OR14A2: variants seen among roughly 807,000 people sequenced by gnomAD.
OR14A2 encodes the protein olfactory receptor family 14 subfamily A member 2.
For missense variants in OR14A2, 237 were observed against 152.9 expected (o/e 1.55, Z -2.90); for synonymous variants, 114 against 58.6 (o/e 1.95, Z -4.32).
chr1:247,741,545 T>C, the OR14A2 span, among the ~76,000 whole-genome samples: 2 of 152,232 alleles, frequency 1.3e-5, no homozygotes, highest in East Asian at 3.8e-4. Flanking sequence ...CTGAAGGCAC[T>C]GGATAATGAC....
At chr1:247,748,018 GCCTTGA>G in the OR14A2 span, among the ~76,000 whole-genome samples, 1 of 152,126 alleles carries the variant, frequency 6.6e-6, no homozygotes, top group Non-Finnish European at 1.5e-5. Context: ...GATTTTGTAA[GCCTTGA>G]CCTCATAAAG....
the OR14A2 span, among the ~76,000 whole-genome samples, chr1:247,736,291 T>G: frequency 6.6e-6 from 1 of 152,038 alleles, no homozygotes; most frequent in South Asian, 2.1e-4. Flanking sequence ...CATATAAACC[T>G]GAACTTACCC....
chr1:247,738,710 C>G, the OR14A2 span: 4 of 780,846 alleles, frequency 5.1e-6, 1 homozygote, highest in South Asian at 5.4e-5. Context: ...TCTCACTGAT[C>G]TACCTCACGG....
At chr1:247,746,941 A>G in the OR14A2 span, 48 of 152,328 alleles carry the variant, frequency 3.2e-4, 1 homozygote, top group African/African-American at 1.1e-3. Context: ...CCTCCTACAC[A>G]TAATCCATGG....
the OR14A2 span, among the ~76,000 whole-genome samples, chr1:247,731,421 A>G: frequency 3.3e-5 from 5 of 152,000 alleles, no homozygotes; most frequent in Admixed American, 1.3e-4. Context: ...TTTGCTTTCA[A>G]TAGTTTTACT....
chr1:247,734,359 G>A, the OR14A2 span, among the ~76,000 whole-genome samples: 51 of 152,238 alleles, frequency 3.4e-4, no homozygotes, highest in East Asian at 8.5e-3. Flanking sequence ...CTCCAGAATC[G>A]TGAGAAACAC....
chr1:247,733,336 C>T, the OR14A2 span, among the ~76,000 whole-genome samples: 2 of 152,110 alleles, frequency 1.3e-5, no homozygotes, highest in East Asian at 1.9e-4. Flanking sequence ...GACAAAAATC[C>T]TCAGTAACCT....
rs1427868314 is a variant in OR14A2, at chr1:247,723,944, G to C, written c.100C>G (p.Leu34Val). ...AGAAGGTTACTCATTAGGGCTGCCAGGTAAATCAGTAGGAAGAGCACACCA... is the reference window on the plus strand; with the variant it reads ...AGAAGGTTACTCATTAGGGCTGCCACGTAAATCAGTAGGAAGAGCACACCA... The change falls in exon 1 of 1, where the codon CTG becomes GTG. Residue 34 changes from leucine (L) to valine (V), a missense_variant. Transcript: ENST00000366485. 7.0e-6 allele frequency: 5 copies of C among 716,952 alleles called. No individual in the cohort carries two copies. The Admixed American group carries it at 1.0e-4, about 14-fold the overall frequency. The allele number at this position is 716,952 out of a possible 1,614,324, so 44.4% of individuals were successfully genotyped here. A position where few individuals can be genotyped will look rare whatever the true frequency, so the allele number is the denominator to read the frequency against.
At chr1:247,723,017 T>C (rs1157918619), downstream of OR14A2, 1 of 618,798 alleles carries the variant, frequency 1.6e-6, no homozygotes, top group Non-Finnish European at 2.9e-6. Flanking sequence ...TGCTTTCTTT[T>C]CTCAGGTCTT....
chr1:247,738,776 C>T, the OR14A2 span: 2 of 780,866 alleles, frequency 2.6e-6, no homozygotes, highest in Non-Finnish European at 4.8e-6. Context: ...ATCGTCTCCA[C>T]ATGGCAATGT....
chr1:247,726,011 T>G (rs1660342693), upstream of OR14A2, among the ~76,000 whole-genome samples: 1 of 145,370 alleles, frequency 6.9e-6, no homozygotes, highest in Non-Finnish European at 1.5e-5. Context: ...TGTGTCTTTA[T>G]AGCAGCATGA....
chr1:247,742,322 T>A, the OR14A2 span, among the ~76,000 whole-genome samples: 1 of 138,688 alleles, frequency 7.2e-6, no homozygotes, highest in African/African-American at 2.8e-5. Context: ...TTCACCACTG[T>A]GGAATGTAAT....
the OR14A2 span, chr1:247,739,496 C>T: frequency 9.0e-6 from 7 of 780,704 alleles, no homozygotes; most frequent in Admixed American, 1.7e-5. Context: ...AGAACAAGGA[C>T]ATTAAATCCG....
chr1:247,738,942 A>G, the OR14A2 span: 1 of 780,494 alleles, frequency 1.3e-6, no homozygotes, highest in Non-Finnish European at 2.4e-6. Context: ...TGGATCAGAG[A>G]TTGGCATCCT....
chr1:247,729,306 A>G, the OR14A2 span, among the ~76,000 whole-genome samples: 2 of 152,134 alleles, frequency 1.3e-5, no homozygotes, highest in Non-Finnish European at 2.9e-5. Context: ...TGTTAAGGAC[A>G]TGACTCAGTC....
At chr1:247,733,388 AAAG>A in the OR14A2 span, among the ~76,000 whole-genome samples, 104 of 152,358 alleles carry the variant, frequency 6.8e-4, no homozygotes, top group African/African-American at 2.5e-3. Flanking sequence ...AGGCATCTGA[AAAG>A]AAACAAAAAC....
At chr1:247,747,933 C>T in the OR14A2 span, among the ~76,000 whole-genome samples, 2 of 152,034 alleles carry the variant, frequency 1.3e-5, no homozygotes, top group Admixed American at 6.5e-5. Context: ...CTGAGAGTAC[C>T]GGAAAGTGAC....
chr1:247,737,250 G>A, the OR14A2 span, among the ~76,000 whole-genome samples: 1 of 152,184 alleles, frequency 6.6e-6, no homozygotes. Flanking sequence ...GTGTGCATAT[G>A]TGTGTATAGA....
chr1:247,735,991 C>T, the OR14A2 span, among the ~76,000 whole-genome samples: 1 of 151,426 alleles, frequency 6.6e-6, no homozygotes, highest in Non-Finnish European at 1.5e-5. Context: ...AAAGCATTCT[C>T]ACCGGCCTTT....
Sources: allele counts gnomAD v4.1 joint callset (sites outside exome capture counted in the v4.1 genomes callset), GRCh38; gene constraint gnomAD v4.1.1; transcripts MANE v1.5; gene names NCBI Gene and HGNC (gene_info 2026-07-23, HGNC 2026-07-21).